Variants in EIF4ENIF1 observed in about 807,000 individuals in gnomAD.
The protein encoded by EIF4ENIF1 is eukaryotic translation initiation factor 4E transporter.
In EIF4ENIF1, 23 loss-of-function variants were observed where a neutral mutation model predicts 110.5. That is an observed-to-expected ratio of 0.21 (90% CI 0.15 to 0.29). EIF4ENIF1 has a LOEUF of 0.29. Among genes scored for constraint, EIF4ENIF1 ranks in the 10% least tolerant of loss-of-function variants. The probability of loss-of-function intolerance (pLI) is 1.00; values close to 1 mark genes in which losing one functional copy is unlikely to be tolerated. For synonymous variants in EIF4ENIF1, 440 were observed against 437.0 expected (o/e 1.01, Z -0.09); for missense variants, 1,031 against 1,221.1 (o/e 0.84, Z 2.32).
At chr22:31,472,858 T>C (rs186772610) in intron 2 of EIF4ENIF1, among the ~76,000 whole-genome samples, 118 of 152,268 alleles carry the variant, frequency 7.7e-4, no homozygotes, top group African/African-American at 2.8e-3. Context: ...TGTTTTGAAA[T>C]ATACAATACA....
chr22:31,477,490 A>C lies in EIF4ENIF1; in HGVS notation c.97-5573T>G, dbSNP rs887462491. Among the ~76,000 whole-genome samples, 3 of 152,174 alleles carry C rather than the reference A, an allele frequency of 2.0e-5. No homozygotes were observed. The East Asian group carries it at 5.8e-4, about 29-fold the overall frequency. ...TCTAATCACAGAGTGATAAACACCAACTACTCTCAGTTAAGAAGAGTTAAC... is the reference window on the plus strand; with the variant it reads ...TCTAATCACAGAGTGATAAACACCACCTACTCTCAGTTAAGAAGAGTTAAC... On this transcript the variant is annotated intron_variant, in intron 2 of 18. Coordinates refer to ENST00000330125, the MANE Select transcript of EIF4ENIF1 (RefSeq NM_019843.4).
chr22:31,477,520 T>C (rs531321337), intron 2 of EIF4ENIF1, among the ~76,000 whole-genome samples: 1 of 152,316 alleles, frequency 6.6e-6, no homozygotes, highest in East Asian at 1.9e-4. Context: ...GTTAACAAAA[T>C]TCTCATTTTC....
chr22:31,480,692 T>G (rs546141244), intron 2 of EIF4ENIF1, among the ~76,000 whole-genome samples: 1 of 151,186 alleles, frequency 6.6e-6, no homozygotes, highest in Non-Finnish European at 1.5e-5. Context: ...GAGGCAGAGG[T>G]TGTGGTGAGC....
At position 31,446,174 on chromosome 22, in the gene EIF4ENIF1, A is replaced by C. The variant is rs371985465; in HGVS notation, c.1988+1252T>G. 1.9e-4 allele frequency among the ~76,000 whole-genome samples: 29 copies of C among 150,718 alleles called. No individual in the cohort carries two copies. In the East Asian group the frequency reaches 4.2e-3, roughly 22 times the overall value. On this transcript the variant is annotated intron_variant, in intron 14 of 18. Transcript: ENST00000330125. ...GTGGCACACTCCTGTAATCCTAGCT[A>C]CTCGGGAGGCTGAGGCATGAGAACT...
intron 11 of EIF4ENIF1, 89 bp downstream of exon 11, chr22:31,450,200 C>T (rs2050602790): frequency 9.8e-7 from 1 of 1,016,372 alleles, no homozygotes; most frequent in African/African-American, 1.6e-5. Flanking sequence ...AGATCATTTT[C>T]TAAGGCCCAA....
In EIF4ENIF1 at chr22:31,441,908, C is replaced by A. The variant is rs780468231; in HGVS notation, c.2417G>T (p.Arg806Leu). ...ASPVPTTPFL[R>L]PVHQVPLVPH... is the part of the protein sequence containing the mutation. The stretch of plus-strand genomic sequence containing the variant: ...GACAAGGGGAACTTGGTGGACAGGG[C>A]GGAGAAAAGGTGTTGTAGGAACTGG... The change falls in exon 17 of 19, where the codon CGC becomes CTC. Residue 806 changes from arginine to leucine, a missense_variant. By Grantham distance (102) the Arg-to-Leu change is moderately radical. This residue lies in a region of EIF4ENIF1 where 309 missense variants were observed against 299.1 expected (regional missense o/e 1.03). Transcript: ENST00000330125. The A allele has an allele frequency of 1.2e-6, 2 of 1,614,068 alleles. No individual in the cohort carries two copies. Among genetic ancestry groups the A allele is most frequent in the Non-Finnish European group, 1.7e-6 (2 of 1,180,026 alleles).
At chr22:31,478,373 C>T (rs2051671056) in intron 2 of EIF4ENIF1, among the ~76,000 whole-genome samples, 1 of 151,750 alleles carries the variant, frequency 6.6e-6, no homozygotes, top group Non-Finnish European at 1.5e-5. Context: ...ACTAGCTGGG[C>T]CTGGTGGTGG....
intron 10 of EIF4ENIF1, chr22:31,451,146 G>A: frequency 6.6e-6 from 1 of 152,282 alleles, no homozygotes; most frequent in Admixed American, 6.5e-5. Flanking sequence ...CTCCCAAAGT[G>A]CTGGCTAAAT....
chr22:31,477,391 A>G (rs2051626183), intron 2 of EIF4ENIF1, among the ~76,000 whole-genome samples: 2 of 128,018 alleles, frequency 1.6e-5, no homozygotes, highest in South Asian at 5.1e-4. Flanking sequence ...AAACAAAAAA[A>G]GAGAATTTGA....
downstream of EIF4ENIF1, chr22:31,437,885 C>T (rs1476176165): frequency 6.6e-6 from 1 of 152,194 alleles, no homozygotes; most frequent in African/African-American, 2.4e-5. Context: ...GCTGAGGAAT[C>T]ACATGGAGTG....
chr22:31,480,591 T>TA (rs2051777112), intron 2 of EIF4ENIF1, among the ~76,000 whole-genome samples: 1 of 151,532 alleles, frequency 6.6e-6, no homozygotes, highest in Non-Finnish European at 1.5e-5. Context: ...CCATCTATAC[T>TA]AAAAATACAA....
intron 7 of EIF4ENIF1, among the ~76,000 whole-genome samples, chr22:31,457,377 T>G (rs1041573248): frequency 6.6e-6 from 1 of 152,208 alleles, no homozygotes; most frequent in Non-Finnish European, 1.5e-5. Flanking sequence ...TACCATAAAT[T>G]CAGTCAAATA....
chr22:31,468,803 C>G (rs1036715614), intron 3 of EIF4ENIF1, among the ~76,000 whole-genome samples: 2 of 152,162 alleles, frequency 1.3e-5, no homozygotes, highest in African/African-American at 4.8e-5. Context: ...TTGTTGATCA[C>G]ACAACACCAA....
intron 15 of EIF4ENIF1, among the ~76,000 whole-genome samples, chr22:31,444,038 T>C (rs143926822): frequency 1.0e-3 from 157 of 152,244 alleles, no homozygotes; most frequent in African/African-American, 3.5e-3. Context: ...ACTCAAACAA[T>C]CTACCTACCT....
chr22:31,459,581 A>G (rs1447189086), intron 6 of EIF4ENIF1, among the ~76,000 whole-genome samples: 4 of 152,050 alleles, frequency 2.6e-5, no homozygotes, highest in African/African-American at 4.8e-5. Context: ...ACTGTATAAT[A>G]GTAACTCTCT....
At chr22:31,455,816 G>A in intron 8 of EIF4ENIF1, 36 bp downstream of exon 8, 1 of 1,611,744 alleles carries the variant, frequency 6.2e-7, no homozygotes, top group Non-Finnish European at 8.5e-7. Flanking sequence ...AAAAACCCAG[G>A]TTTACCTTCA....
chr22:31,492,971 C>G (rs1015656452), upstream of EIF4ENIF1, among the ~76,000 whole-genome samples: 1 of 151,852 alleles, frequency 6.6e-6, no homozygotes, highest in African/African-American at 2.4e-5. Context: ...ACCTCATGAT[C>G]CGCCCACCTC....
intron 10 of EIF4ENIF1, chr22:31,450,813 TACAC>T (rs1339593373): frequency 5.5e-6 from 1 of 183,332 alleles, no homozygotes; most frequent in South Asian, 1.0e-4. Context: ...CACATACATA[TACAC>T]ACATACATAC....
intron 2 of EIF4ENIF1, among the ~76,000 whole-genome samples, chr22:31,476,622 C>T (rs1018578624): frequency 1.1e-4 from 17 of 152,138 alleles, no homozygotes; most frequent in Admixed American, 3.9e-4. Flanking sequence ...GGGCTGGGCA[C>T]GGTGGCTCAC....
Sources: allele counts gnomAD v4.1 joint callset (sites outside exome capture counted in the v4.1 genomes callset), GRCh38; gene constraint gnomAD v4.1.1; regional missense constraint gnomAD v4.1.1; transcripts MANE v1.5; gene names NCBI Gene and HGNC (gene_info 2026-07-23, HGNC 2026-07-21).